KANK1: variants seen among roughly 807,000 people sequenced by gnomAD.
The protein encoded by KANK1 is KN motif and ankyrin repeat domains 1.
Under a neutral mutation model 106.2 loss-of-function variants are expected in KANK1, and 109 were observed. The ratio of observed to expected loss-of-function variants is 1.03; its 90% CI spans 0.88 to 1.20. The LOEUF is 1.20. Ranked by LOEUF, KANK1 falls within the 50% of genes most tolerant of loss-of-function variation. The pLI is 0.00. For synonymous variants in KANK1, 873 were observed against 652.2 expected (o/e 1.34, Z -5.16); for missense variants, 2,399 against 1,710.7 (o/e 1.40, Z -7.10).
In KANK1 at chr9:593,608, G is replaced by A. The variant is rs1202988192; in HGVS notation, c.-83-83282G>A. Among the ~76,000 whole-genome samples, 4 of 151,766 alleles carry A rather than the reference G, an allele frequency of 2.6e-5. No individual in the cohort carries two copies. In the East Asian group the frequency reaches 7.7e-4, roughly 29 times the overall value. On this transcript the variant is annotated intron_variant, in intron 1 of 11. Transcript: ENST00000382297. ...GAAGTTACCCATTGATGTTTTCACA[G>A]GGCTTTAAACACGAAGACCTGATTT...
chr9:621,678 C>T (rs530892899), intron 1 of KANK1, among the ~76,000 whole-genome samples: 3 of 152,150 alleles, frequency 2.0e-5, no homozygotes, highest in African/African-American at 7.2e-5. Flanking sequence ...GTTCCTCTTT[C>T]CTTCGCTCTC....
chr9:688,952 G>T (rs902129419), intron 2 of KANK1, among the ~76,000 whole-genome samples: 2 of 152,142 alleles, frequency 1.3e-5, no homozygotes, highest in Non-Finnish European at 1.5e-5. Flanking sequence ...TCTTGGGAAG[G>T]TCTCTACAGA....
chr9:680,417 G>T (rs1817308816), intron 2 of KANK1, among the ~76,000 whole-genome samples: 1 of 152,092 alleles, frequency 6.6e-6, no homozygotes, highest in African/African-American at 2.4e-5. Flanking sequence ...AAAAGAAACT[G>T]CTTTTAAAAC....
At chr9:538,093 G>A (rs1448603783) in intron 1 of KANK1, among the ~76,000 whole-genome samples, 1 of 151,964 alleles carries the variant, frequency 6.6e-6, no homozygotes, top group Non-Finnish European at 1.5e-5. Context: ...AAAGCAGATG[G>A]TAGAGCTGTG....
chr9:546,898 T>C (rs1270618909), intron 1 of KANK1, among the ~76,000 whole-genome samples: 1 of 152,160 alleles, frequency 6.6e-6, no homozygotes, highest in Non-Finnish European at 1.5e-5. Flanking sequence ...CAGGAAGTAT[T>C]CCTTGTCTTT....
At chr9:546,690 T>C (rs1397590751) in intron 1 of KANK1, among the ~76,000 whole-genome samples, 1 of 151,268 alleles carries the variant, frequency 6.6e-6, no homozygotes, top group African/African-American at 2.4e-5. Flanking sequence ...CAGTAAATTC[T>C]GTAATGCAAG....
chr9:578,007 G>A (rs1448710876), intron 1 of KANK1, among the ~76,000 whole-genome samples: 1 of 152,152 alleles, frequency 6.6e-6, no homozygotes, highest in South Asian at 2.1e-4. Flanking sequence ...CAGCTAGGAG[G>A]CCTCCTTTCA....
intron 2 of KANK1, among the ~76,000 whole-genome samples, chr9:689,723 C>T (rs567106259): frequency 1.6e-4 from 25 of 151,900 alleles, no homozygotes; most frequent in African/African-American, 5.8e-4. Context: ...CCATCCCAAG[C>T]ACCTAAGGGG....
chr9:693,288 T>C, intron 2 of KANK1: 1 of 706,342 alleles, frequency 1.4e-6, no homozygotes, highest in Non-Finnish European at 1.7e-6. Flanking sequence ...AATCATTTCC[T>C]TCACAAGCCA....
At chr9:498,601 ATAATC>A (rs1177999871) in intron 3 of KANK1, among the ~76,000 whole-genome samples, 1 of 152,156 alleles carries the variant, frequency 6.6e-6, no homozygotes, top group Non-Finnish European at 1.5e-5. Flanking sequence ...AAAAAGACAC[ATAATC>A]TAATTTAACA....
chr9:529,391 G>C (rs1041886792), intron 1 of KANK1, among the ~76,000 whole-genome samples: 2 of 151,524 alleles, frequency 1.3e-5, no homozygotes, highest in African/African-American at 4.9e-5. Flanking sequence ...AGTAGAGATG[G>C]GCTTTCACCA....
At chr9:614,086 T>C (rs1035416323) in intron 1 of KANK1, among the ~76,000 whole-genome samples, 1 of 152,202 alleles carries the variant, frequency 6.6e-6, no homozygotes, top group Non-Finnish European at 1.5e-5. Context: ...GCTCAGTTCT[T>C]GGTCATGCCA....
chr9:566,510 G>C (rs573721676), intron 1 of KANK1, among the ~76,000 whole-genome samples: 4 of 152,040 alleles, frequency 2.6e-5, no homozygotes, highest in African/African-American at 4.8e-5. Context: ...CTGCAACCTC[G>C]CCAGCACCTG....
chr9:554,430 T>C (rs1335284213), intron 1 of KANK1, among the ~76,000 whole-genome samples: 1 of 152,208 alleles, frequency 6.6e-6, no homozygotes, highest in African/African-American at 2.4e-5. Context: ...CTGATGAGCA[T>C]CCATGTTGGC....
At chr9:652,997 G>C (rs1350546455) in intron 1 of KANK1, among the ~76,000 whole-genome samples, 1 of 152,204 alleles carries the variant, frequency 6.6e-6, no homozygotes, top group Non-Finnish European at 1.5e-5. Context: ...TCCTCACTGT[G>C]CCAGAGAAGC....
chr9:619,548 C>G (rs1216537857), intron 1 of KANK1, among the ~76,000 whole-genome samples: 2 of 152,042 alleles, frequency 1.3e-5, no homozygotes, highest in African/African-American at 4.8e-5. Context: ...CTTTTGGAAC[C>G]AGTTTTGCTA....
intron 1 of KANK1, among the ~76,000 whole-genome samples, chr9:614,265 T>C (rs1010025419): frequency 2.0e-5 from 3 of 152,170 alleles, no homozygotes; most frequent in African/African-American, 7.2e-5. Context: ...CCCTCAGTGT[T>C]TGTTTAAATT....
At chr9:509,107 T>TC (rs1290943531) in intron 1 of KANK1, among the ~76,000 whole-genome samples, 1 of 149,546 alleles carries the variant, frequency 6.7e-6, no homozygotes, top group East Asian at 1.9e-4. Flanking sequence ...CTATTTATTA[T>TC]TTTTTTTTTG....
chr9:553,731 A>T (rs1052720433), intron 1 of KANK1, among the ~76,000 whole-genome samples: 1 of 152,200 alleles, frequency 6.6e-6, no homozygotes, highest in Non-Finnish European at 1.5e-5. Context: ...CTTCTACTGA[A>T]CTTTGGTAAA....
Sources: gnomAD v4.1 joint callset for allele counts (sites outside exome capture counted in the v4.1 genomes callset) on GRCh38, gnomAD v4.1.1 for gene constraint, MANE v1.5 for transcripts, NCBI Gene and HGNC (gene_info 2026-07-23, HGNC 2026-07-21) for gene names.